Variants in DPP10 observed in about 807,000 individuals in gnomAD.
DPP10 encodes inactive dipeptidyl peptidase 10.
A neutral mutation model predicts 120.9 loss-of-function variants in DPP10; 33 were observed. The observed-to-expected ratio is 0.27, with a 90% CI of 0.21 to 0.37. The LOEUF is 0.37. DPP10 is among the 10% of genes least tolerant of loss of function. The pLI is 1.00. For missense variants in DPP10, 816 were observed against 942.8 expected, an observed-to-expected ratio of 0.87 and a Z score of 1.76; for synonymous variants, 337 against 326.1, an observed-to-expected ratio of 1.03 and a Z score of -0.36.
intron 3 of DPP10, among the ~76,000 whole-genome samples, chr2:115,483,779 A>G (rs1252921318): frequency 6.6e-6 from 1 of 152,022 alleles, no homozygotes; most frequent in Non-Finnish European, 1.5e-5. Flanking sequence ...GGCCAATCTG[A>G]TTATTCTTAA....
chr2:114,584,009 C>G (rs1387485996), intron 1 of DPP10, among the ~76,000 whole-genome samples: 4 of 151,998 alleles, frequency 2.6e-5, no homozygotes, highest in Non-Finnish European at 5.9e-5. Flanking sequence ...AGGTATTTAC[C>G]TGTTAAGAAA....
intron 5 of DPP10, among the ~76,000 whole-genome samples, chr2:115,688,650 C>T (rs2091141333): frequency 6.6e-6 from 1 of 152,102 alleles, no homozygotes; most frequent in Non-Finnish European, 1.5e-5. Flanking sequence ...CTTTCCCTAA[C>T]CCATCTTTTG....
chr2:115,212,830 T>G (rs182285415), intron 1 of DPP10, among the ~76,000 whole-genome samples: 1 of 152,298 alleles, frequency 6.6e-6, no homozygotes, highest in East Asian at 1.9e-4. Context: ...TTATGCATGC[T>G]CTGTCTTAAA....
chr2:115,231,465 A>C (rs559519541), intron 1 of DPP10, among the ~76,000 whole-genome samples: 7 of 152,132 alleles, frequency 4.6e-5, no homozygotes, highest in Non-Finnish European at 8.8e-5. Flanking sequence ...GGTCTTTTTC[A>C]TACAAGTTGT....
chr2:115,322,256 T>C (rs2062098566), intron 2 of DPP10, among the ~76,000 whole-genome samples: 1 of 152,196 alleles, frequency 6.6e-6, no homozygotes, highest in Non-Finnish European at 1.5e-5. Context: ...AAACTATTTT[T>C]GAAAAATCAC....
intron 5 of DPP10, among the ~76,000 whole-genome samples, chr2:115,681,828 C>G (rs1411065761): frequency 7.3e-6 from 1 of 136,748 alleles, no homozygotes; most frequent in Non-Finnish European, 1.6e-5. Flanking sequence ...CTTCTTTCTT[C>G]CTCTTTCTTT....
At chr2:115,167,158 C>T (rs1473224050) in intron 1 of DPP10, among the ~76,000 whole-genome samples, 1 of 151,290 alleles carries the variant, frequency 6.6e-6, no homozygotes, top group Non-Finnish European at 1.5e-5. Context: ...TTTGTTCTAA[C>T]GGTTAAATGA....
intron 12 of DPP10, among the ~76,000 whole-genome samples, chr2:115,765,520 G>A (rs1347060969): frequency 2.0e-5 from 3 of 152,060 alleles, no homozygotes; most frequent in African/African-American, 7.2e-5. Flanking sequence ...CAAGTTAATA[G>A]ATCAATATAA....
At chr2:114,653,576 T>C (rs943946411) in intron 1 of DPP10, among the ~76,000 whole-genome samples, 1 of 152,118 alleles carries the variant, frequency 6.6e-6, no homozygotes, top group Non-Finnish European at 1.5e-5. Flanking sequence ...CTCCTAAAAG[T>C]CATTTTGTTT....
intron 5 of DPP10, among the ~76,000 whole-genome samples, chr2:115,584,704 G>C (rs1299318290): frequency 6.6e-6 from 1 of 152,094 alleles, no homozygotes; most frequent in East Asian, 1.9e-4. Context: ...CCTTTCCATG[G>C]TCTAGAGTTG....
intron 1 of DPP10, among the ~76,000 whole-genome samples, chr2:115,210,505 A>G (rs1233125201): frequency 6.6e-6 from 1 of 152,176 alleles, no homozygotes. Context: ...TTATAGCAGC[A>G]TGATTTATAA....
Position 115,638,682 on chromosome 2 carries a change from C to A in DPP10, c.442-51005C>A, listed in dbSNP as rs897493137. ...TTTTGTCTCCATTGTATGATTGAGT[C>A]CTCCCTTGAAATCCTTGCTATTATC... On this transcript the variant is annotated intron_variant, in intron 5 of 25. Transcript: ENST00000410059. 3.3e-5 allele frequency among the ~76,000 whole-genome samples: 5 copies of A among 152,124 alleles called. 1 individual carries two copies. Among genetic ancestry groups the A allele is most frequent in the African/African-American group, 1.2e-4 (5 of 41,426 alleles).
At position 114,862,805 on chromosome 2, in the gene DPP10, A is replaced by G. The variant is rs964440372; in HGVS notation, c.60+419967A>G. The stretch of plus-strand genomic sequence containing the variant: ...AGTCAGTCTACAATACATGAAGTTT[A>G]TTTACTCTGGAATACACAAATTTCT... On this transcript the variant is annotated intron_variant, in intron 1 of 25. Coordinates refer to ENST00000410059, the MANE Select transcript of DPP10 (RefSeq NM_020868.6). 2.7e-5 allele frequency among the ~76,000 whole-genome samples: 4 copies of G among 146,742 alleles called. No homozygotes were observed. The Admixed American group carries it at 2.8e-4, about 10-fold the overall frequency.
chr2:114,672,993 T>C (rs1411232325), intron 1 of DPP10, among the ~76,000 whole-genome samples: 2 of 152,204 alleles, frequency 1.3e-5, no homozygotes, highest in Non-Finnish European at 2.9e-5. Context: ...AACATCTTTC[T>C]GTTGTATTAA....
chr2:115,570,591 C>G lies in DPP10; in HGVS notation c.441+44619C>G, dbSNP rs539297214. 1.1e-4 allele frequency among the ~76,000 whole-genome samples: 17 copies of G among 152,318 alleles called. No individual in the cohort carries two copies. The South Asian group carries it at 1.7e-3, about 15-fold the overall frequency. The stretch of plus-strand genomic sequence containing the variant: ...ACCTGCCATCTCGCTCTGTCATCTT[C>G]AGGTGAATGCCAAATATTGGTTCTG... On this transcript the variant is annotated intron_variant, in intron 5 of 25. Coordinates refer to ENST00000410059, the MANE Select transcript of DPP10 (RefSeq NM_020868.6).
intron 5 of DPP10, among the ~76,000 whole-genome samples, chr2:115,615,093 G>A (rs2084389668): frequency 6.6e-6 from 1 of 151,978 alleles, no homozygotes; most frequent in East Asian, 1.9e-4. Context: ...TGGGGGAACT[G>A]CCTTGTTATT....
At chr2:114,549,525 G>A (rs1439121537) in intron 1 of DPP10, among the ~76,000 whole-genome samples, 1 of 152,022 alleles carries the variant, frequency 6.6e-6, no homozygotes, top group Non-Finnish European at 1.5e-5. Context: ...TCTGGGCATA[G>A]TGGTGCACAC....
At chr2:114,487,657 A>G (rs1681630295) in intron 1 of DPP10, among the ~76,000 whole-genome samples, 1 of 152,206 alleles carries the variant, frequency 6.6e-6, no homozygotes, top group South Asian at 2.1e-4. Flanking sequence ...ATTAGGCTCA[A>G]TTATTTTTAT....
intron 1 of DPP10, among the ~76,000 whole-genome samples, chr2:114,861,362 G>A (rs11684641): frequency 0.18 from 27,408 of 152,090 alleles, 2,674 homozygotes; most frequent in Middle Eastern, 0.26. Context: ...TGGCTCAGCA[G>A]TCTACACCAT....
Sources: allele counts gnomAD v4.1 joint callset (sites outside exome capture counted in the v4.1 genomes callset), GRCh38; gene constraint gnomAD v4.1.1; transcripts MANE v1.5; gene names NCBI Gene and HGNC (gene_info 2026-07-23, HGNC 2026-07-21).